Variants in TCERG1L observed in about 807,000 individuals in gnomAD.
The protein encoded by TCERG1L is transcription elongation regulator 1 like.
Under a neutral mutation model 56.3 loss-of-function variants are expected in TCERG1L, and 37 were observed. The ratio of observed to expected loss-of-function variants is 0.66; its 90% CI spans 0.51 to 0.87. The LOEUF (loss-of-function observed/expected upper bound fraction) is 0.87. TCERG1L is among the 40% of genes least tolerant of loss of function. The pLI is 0.00. For missense variants in TCERG1L, 799 were observed against 774.2 expected (o/e 1.03, Z -0.38); for synonymous variants, 324 against 326.3 (o/e 0.99, Z 0.08).
intron 4 of TCERG1L, among the ~76,000 whole-genome samples, chr10:131,213,918 A>C (rs961685282): frequency 1.3e-5 from 2 of 152,210 alleles, no homozygotes; most frequent in African/African-American, 4.8e-5. Context: ...GAACATGCTC[A>C]CCAGGATCAG....
intron 3 of TCERG1L, among the ~76,000 whole-genome samples, chr10:131,273,617 C>T (rs1266944165): frequency 1.3e-5 from 2 of 152,220 alleles, no homozygotes; most frequent in African/African-American, 4.8e-5. Context: ...CTGACCGAGG[C>T]TCCCTCATTT....
chr10:131,262,327 G>C (rs1846244062), intron 3 of TCERG1L, among the ~76,000 whole-genome samples: 1 of 152,160 alleles, frequency 6.6e-6, no homozygotes, highest in Non-Finnish European at 1.5e-5. Context: ...CCAGGCTAGA[G>C]CTAGACATTT....
intron 6 of TCERG1L, among the ~76,000 whole-genome samples, chr10:131,147,832 C>T (rs1004538847): frequency 2.6e-5 from 4 of 152,262 alleles, no homozygotes; most frequent in Non-Finnish European, 4.4e-5. Flanking sequence ...GCCTCACTCC[C>T]GCCAGCCTCG....
At chr10:131,230,884 C>T (rs1845842759) in intron 4 of TCERG1L, among the ~76,000 whole-genome samples, 2 of 152,028 alleles carry the variant, frequency 1.3e-5, no homozygotes, top group Non-Finnish European at 2.9e-5. Context: ...ACAGTGTGCC[C>T]CTTGCAGGCC....
chr10:131,169,862 A>G (rs1846070583), intron 4 of TCERG1L, among the ~76,000 whole-genome samples: 1 of 152,198 alleles, frequency 6.6e-6, no homozygotes, highest in African/African-American at 2.4e-5. Flanking sequence ...TTCTCAAATG[A>G]CAGCATTGCC....
At chr10:131,275,701 A>T (rs1316785126) in intron 3 of TCERG1L, among the ~76,000 whole-genome samples, 4 of 152,188 alleles carry the variant, frequency 2.6e-5, no homozygotes, top group Non-Finnish European at 4.4e-5. Flanking sequence ...ACACCCATCT[A>T]TACCCCAAAA....
intron 3 of TCERG1L, among the ~76,000 whole-genome samples, chr10:131,285,574 AAG>A (rs1315368711): frequency 5.4e-5 from 8 of 148,092 alleles, no homozygotes; most frequent in African/African-American, 1.7e-4. Flanking sequence ...AAAAGAAAGA[AAG>A]AAAGAAAAAA....
At chr10:131,174,585 G>A (rs529689066) in intron 4 of TCERG1L, among the ~76,000 whole-genome samples, 2 of 152,304 alleles carry the variant, frequency 1.3e-5, no homozygotes, top group South Asian at 2.1e-4. Flanking sequence ...ACAGCACCTC[G>A]TTGAACTCCA....
At chr10:131,239,437 C>T (rs1324064845) in intron 4 of TCERG1L, among the ~76,000 whole-genome samples, 1 of 152,226 alleles carries the variant, frequency 6.6e-6, no homozygotes, top group Admixed American at 6.5e-5. Context: ...CCCTTGCTAT[C>T]TGCTTATTTA....
intron 4 of TCERG1L, among the ~76,000 whole-genome samples, chr10:131,223,275 C>T (rs1845754913): frequency 6.6e-6 from 1 of 152,184 alleles, no homozygotes; most frequent in Non-Finnish European, 1.5e-5. Flanking sequence ...AACGGCAAGC[C>T]CAGCCGTGTC....
At chr10:131,302,069 T>A in intron 3 of TCERG1L, among the ~76,000 whole-genome samples, 1 of 152,112 alleles carries the variant, frequency 6.6e-6, no homozygotes, top group African/African-American at 2.4e-5. Context: ...ATCGCTTTTT[T>A]AAGAACATCT....
chr10:131,121,588 C>A (rs1441470954), intron 8 of TCERG1L, among the ~76,000 whole-genome samples: 1 of 152,224 alleles, frequency 6.6e-6, no homozygotes, highest in African/African-American at 2.4e-5. Flanking sequence ...AAATGTTCCA[C>A]AGGAAGCGCC....
intron 3 of TCERG1L, among the ~76,000 whole-genome samples, chr10:131,265,731 AAT>A (rs944779891): frequency 1.3e-5 from 2 of 152,222 alleles, no homozygotes; most frequent in African/African-American, 4.8e-5. Flanking sequence ...TAAATTTAAA[AAT>A]AGTTTATTGC....
At chr10:131,097,046 A>T (rs2133377561) in intron 11 of TCERG1L, among the ~76,000 whole-genome samples, 1 of 152,096 alleles carries the variant, frequency 6.6e-6, no homozygotes, top group South Asian at 2.1e-4. Flanking sequence ...CTAAAAATAC[A>T]AAAATTAGCT....
intron 4 of TCERG1L, among the ~76,000 whole-genome samples, chr10:131,188,480 A>G (rs1490301902): frequency 6.6e-6 from 1 of 152,182 alleles, no homozygotes; most frequent in East Asian, 1.9e-4. Context: ...TTACAAAAAC[A>G]TTTTTATTTT....
chr10:131,138,565 T>C (rs906882745), intron 7 of TCERG1L, among the ~76,000 whole-genome samples: 1 of 152,182 alleles, frequency 6.6e-6, no homozygotes, highest in African/African-American at 2.4e-5. Flanking sequence ...GGCCAATTCA[T>C]CTGATAAAAG....
chr10:131,242,208 C>T (rs750461597), intron 4 of TCERG1L, among the ~76,000 whole-genome samples: 4 of 152,020 alleles, frequency 2.6e-5, no homozygotes, highest in Non-Finnish European at 5.9e-5. Context: ...AGCAATGGCA[C>T]GAAGTTCCAG....
At chr10:131,228,115 C>T (rs965035792) in intron 4 of TCERG1L, among the ~76,000 whole-genome samples, 6 of 151,912 alleles carry the variant, frequency 3.9e-5, no homozygotes, top group African/African-American at 1.5e-4. Context: ...TCAAGGGCTC[C>T]GGAGTCTCCA....
At chr10:131,192,352 T>G (rs1230325219) in intron 4 of TCERG1L, among the ~76,000 whole-genome samples, 3 of 143,854 alleles carry the variant, frequency 2.1e-5, no homozygotes, top group Non-Finnish European at 4.6e-5. Flanking sequence ...AGAACGGCCA[T>G]TATTAAAAAG....
Sources: gnomAD v4.1 joint callset for allele counts (sites outside exome capture counted in the v4.1 genomes callset) on GRCh38, gnomAD v4.1.1 for gene constraint, MANE v1.5 for transcripts, NCBI Gene and HGNC (gene_info 2026-07-23, HGNC 2026-07-21) for gene names.